The following TLN2 variants were observed in gnomAD, a reference collection of about 807,000 sequenced individuals.
TLN2 encodes talin-2.
In TLN2, 118 loss-of-function variants were observed where a neutral mutation model predicts 294.7. That is an observed-to-expected ratio of 0.40 (90% confidence interval 0.34 to 0.47). TLN2 has a LOEUF of 0.47. TLN2 is among the 20% of genes least tolerant of loss of function. The probability of loss-of-function intolerance (pLI) is 0.84; values close to 1 mark genes in which losing one functional copy is unlikely to be tolerated. For missense variants in TLN2, 3,083 were observed against 3,282.2 expected, an observed-to-expected ratio of 0.94 and a Z score of 1.48; for synonymous variants, 1,431 against 1,304.5, an observed-to-expected ratio of 1.10 and a Z score of -2.09.
chr15:62,670,194 G>A (rs570216577), intron 9 of TLN2, among the ~76,000 whole-genome samples: 93 of 152,278 alleles, frequency 6.1e-4, no homozygotes, highest in Non-Finnish European at 6.5e-4. Flanking sequence ...CCTTAACCAC[G>A]TCTCTGTTGC....
intron 10 of TLN2, among the ~76,000 whole-genome samples, chr15:62,674,126 T>C (rs1335102908): frequency 6.6e-6 from 1 of 152,262 alleles, no homozygotes; most frequent in East Asian, 1.9e-4. Flanking sequence ...GTGCATACAT[T>C]TAATTTCAAA....
chr15:62,468,761 TA>T (rs202131408), intron 1 of TLN2, among the ~76,000 whole-genome samples: 2 of 87,202 alleles, frequency 2.3e-5, no homozygotes, highest in African/African-American at 6.8e-5. Context: ...AAAATAAAAA[TA>T]AAAAAAATAC....
chr15:62,476,064 T>C (rs2037766855), intron 1 of TLN2, among the ~76,000 whole-genome samples: 1 of 152,160 alleles, frequency 6.6e-6, no homozygotes, highest in South Asian at 2.1e-4. Context: ...TTGGCAGCCA[T>C]ATGACTGGAC....
Position 62,738,340 on chromosome 15 carries a change from G to A in TLN2, c.3687+7G>A, listed in dbSNP as rs2061139800. The stretch of plus-strand genomic sequence containing the variant: ...GAAGCTGCTTGTGGATTCGGTGAGA[G>A]GTTCTTAGATTGAGAAAGGACACTG... On this transcript the variant is annotated splice_region_variant and intron_variant, in intron 30 of 58. Coordinates refer to ENST00000636159, the MANE Select transcript of TLN2 (RefSeq NM_015059.3). 1.9e-6 allele frequency: 3 copies of A among 1,613,646 alleles called. No homozygotes were observed. The highest frequency in any genetic ancestry group is 2.5e-6 in the Non-Finnish European group (3 of 1,179,830).
At chr15:62,593,853 T>G (rs995258131) in intron 2 of TLN2, among the ~76,000 whole-genome samples, 4 of 152,200 alleles carry the variant, frequency 2.6e-5, no homozygotes, top group African/African-American at 7.2e-5. Context: ...TGCAGTGCTG[T>G]CAACACACCA....
intron 19 of TLN2, among the ~76,000 whole-genome samples, chr15:62,704,221 C>G (rs568208726): frequency 7.5e-4 from 114 of 152,244 alleles, no homozygotes; most frequent in African/African-American, 2.6e-3. Context: ...ACTAACACCA[C>G]AAATATCACC....
At chr15:62,569,763 A>C (rs1339852485) in intron 1 of TLN2, among the ~76,000 whole-genome samples, 1 of 152,212 alleles carries the variant, frequency 6.6e-6, no homozygotes, top group South Asian at 2.1e-4. Context: ...GCACGGCTGA[A>C]TTTCAGTTAC....
chr15:62,436,982 G>T (rs1411747798), intron 1 of TLN2, among the ~76,000 whole-genome samples: 2 of 152,244 alleles, frequency 1.3e-5, no homozygotes, highest in Non-Finnish European at 2.9e-5. Context: ...TCCCGCCTTG[G>T]CCTCCCAAAG....
chr15:62,781,262 C>G, intron 44 of TLN2, 21 bp downstream of exon 44: 1 of 1,588,000 alleles, frequency 6.3e-7, no homozygotes. Context: ...AGAGAGCTGC[C>G]CTCCCCACTG....
chr15:62,721,117 T>A (rs2060122364), intron 25 of TLN2, among the ~76,000 whole-genome samples: 1 of 152,202 alleles, frequency 6.6e-6, no homozygotes, highest in African/African-American at 2.4e-5. Flanking sequence ...CTTTTGTTCT[T>A]TTAACTTTGC....
chr15:62,448,049 C>G (rs1011037024), intron 1 of TLN2, among the ~76,000 whole-genome samples: 1 of 152,174 alleles, frequency 6.6e-6, no homozygotes, highest in Non-Finnish European at 1.5e-5. Context: ...CCAGGAGGAG[C>G]CCAGGAATCT....
At chr15:62,444,339 C>T (rs944065082) in intron 1 of TLN2, among the ~76,000 whole-genome samples, 1 of 152,344 alleles carries the variant, frequency 6.6e-6, no homozygotes. Flanking sequence ...TGACTTCATT[C>T]TCTGGATGCA....
At chr15:62,486,404 T>C (rs1357956915) in intron 1 of TLN2, among the ~76,000 whole-genome samples, 1 of 151,332 alleles carries the variant, frequency 6.6e-6, no homozygotes, top group Non-Finnish European at 1.5e-5. Flanking sequence ...GATTCTGTAC[T>C]CAGTTGTCAT....
At chr15:62,616,132 A>T (rs1425912512) in intron 2 of TLN2, among the ~76,000 whole-genome samples, 2 of 152,090 alleles carry the variant, frequency 1.3e-5, no homozygotes, top group Admixed American at 6.6e-5. Context: ...TTCAAAGTTT[A>T]TTGCTTATCT....
At chr15:62,804,932 A>G (rs1461757870) in intron 50 of TLN2, among the ~76,000 whole-genome samples, 1 of 152,204 alleles carries the variant, frequency 6.6e-6, no homozygotes, top group Admixed American at 6.5e-5. Flanking sequence ...TTAGAGAGCC[A>G]GAACAGATGA....
chr15:62,833,517 C>A lies in TLN2; in HGVS notation c.7016C>A (p.Thr2339Asn). The A allele has an allele frequency of 2.5e-6, 4 of 1,613,958 alleles. No individual in the cohort carries two copies. In the South Asian group the frequency reaches 4.4e-5, roughly 18 times the overall value. The change falls in exon 55 of 59, where the codon ACC becomes AAC. Residue 2339 changes from threonine (T) to asparagine (N), a missense_variant. Coordinates refer to ENST00000636159, the MANE Select transcript of TLN2 (RefSeq NM_015059.3). ...TTTTGGTTATAGCAAGCGGATGAGA[C>A]CCTGGACTTTGAGGAACAGATCTTG... ...PRAKPKQADE[T>N]LDFEEQILEA... is the part of the protein sequence containing the mutation.
At chr15:62,742,020 GTGGGGTGTGTGTGTGTGT>G in intron 32 of TLN2, among the ~76,000 whole-genome samples, 1 of 22,916 alleles carries the variant, frequency 4.4e-5, no homozygotes, top group Non-Finnish European at 9.2e-5. Context: ...TTGGCTTGTA[GTGGGGTGTGTGTGTGTGT>G]GTGTGTGTGT....
intron 9 of TLN2, among the ~76,000 whole-genome samples, chr15:62,672,470 G>C (rs2055549037): frequency 6.6e-6 from 1 of 152,158 alleles, no homozygotes; most frequent in African/African-American, 2.4e-5. Context: ...GAGGTCAGTG[G>C]GATGGGGAAA....
intron 1 of TLN2, among the ~76,000 whole-genome samples, chr15:62,506,837 G>T (rs2039646745): frequency 6.6e-6 from 1 of 152,164 alleles, no homozygotes; most frequent in South Asian, 2.1e-4. Context: ...CATTCAAACG[G>T]GATATTAATC....
Sources: gnomAD v4.1 joint callset for allele counts (sites outside exome capture counted in the v4.1 genomes callset) on GRCh38, gnomAD v4.1.1 for gene constraint, MANE v1.5 for transcripts, NCBI Gene and HGNC (gene_info 2026-07-23, HGNC 2026-07-21) for gene names.